PLEKHA6: variants seen among roughly 807,000 people sequenced by gnomAD.
PLEKHA6 encodes pleckstrin homology domain-containing family A member 6.
PLEKHA6 carries 60 observed loss-of-function variants against 116.7 expected under a neutral mutation model. The observed-to-expected ratio is 0.51, with a 90% CI of 0.42 to 0.64. The LOEUF (loss-of-function observed/expected upper bound fraction) is 0.64. Among genes scored for constraint, PLEKHA6 ranks in the 30% least tolerant of loss-of-function variants. The probability of loss-of-function intolerance (pLI) is 0.00; values close to 1 mark genes in which losing one functional copy is unlikely to be tolerated. For synonymous variants in PLEKHA6, 489 were observed against 556.1 expected (o/e 0.88, Z 1.70); for missense variants, 1,338 against 1,422.7 (o/e 0.94, Z 0.96).
At chr1:204,271,880 C>G (rs1667489691) in intron 3 of PLEKHA6, among the ~76,000 whole-genome samples, 1 of 152,154 alleles carries the variant, frequency 6.6e-6, no homozygotes, top group Non-Finnish European at 1.5e-5. Context: ...TTTCCCAAAC[C>G]TGTATCACGT....
At chr1:204,283,332 T>A (rs946922882) in intron 1 of PLEKHA6, among the ~76,000 whole-genome samples, 1 of 152,242 alleles carries the variant, frequency 6.6e-6, no homozygotes, top group African/African-American at 2.4e-5. Flanking sequence ...CTGTCTGGTA[T>A]CTTAGTTTTC....
intron 1 of PLEKHA6, among the ~76,000 whole-genome samples, chr1:204,376,894 G>C (rs1204425410): frequency 6.6e-6 from 1 of 152,188 alleles, no homozygotes; most frequent in African/African-American, 2.4e-5. Context: ...TAGTAGAAGC[G>C]AGCCAAAAGA....
intron 3 of PLEKHA6, among the ~76,000 whole-genome samples, chr1:204,366,916 G>T (rs1673672159): frequency 6.6e-6 from 1 of 152,222 alleles, no homozygotes; most frequent in Non-Finnish European, 1.5e-5. Context: ...ACGGAAAGGG[G>T]ATGAGACAAG....
intron 3 of PLEKHA6, among the ~76,000 whole-genome samples, chr1:204,365,676 A>G (rs968522600): frequency 6.6e-6 from 1 of 152,232 alleles, no homozygotes; most frequent in African/African-American, 2.4e-5. Context: ...TTTATCATGC[A>G]TGCATTCATT....
chr1:204,291,331 T>G (rs1290944319), intron 1 of PLEKHA6, among the ~76,000 whole-genome samples: 4 of 152,212 alleles, frequency 2.6e-5, no homozygotes, highest in African/African-American at 9.6e-5. Context: ...GGTGAGAATA[T>G]AAATGGTACA....
intron 1 of PLEKHA6, among the ~76,000 whole-genome samples, chr1:204,308,811 C>T (rs1671524676): frequency 6.7e-6 from 1 of 149,470 alleles, no homozygotes; most frequent in African/African-American, 2.5e-5. Context: ...CCCTCAGCCT[C>T]CCGAGTAGCT....
Position 204,287,766 on chromosome 1 carries a change from C to T in PLEKHA6, c.-94-12957G>A, listed in dbSNP as rs1410386763. Among the ~76,000 whole-genome samples the T allele has an allele frequency of 3.3e-5, 5 of 152,294 alleles. 1 individual carries two copies. The highest frequency in any genetic ancestry group is 1.2e-4 in the African/African-American group (5 of 41,566). On this transcript the variant is annotated intron_variant, in intron 1 of 22. Coordinates refer to ENST00000272203, the MANE Select transcript of PLEKHA6 (RefSeq NM_014935.5). ...TGCTTCTGACCAGAGCTACCGAGCG[C>T]CTCTCTGGAGACAATGGCTCAGAGA...
intron 6 of PLEKHA6, among the ~76,000 whole-genome samples, chr1:204,262,809 T>C (rs1191408815): frequency 3.3e-5 from 5 of 151,808 alleles, no homozygotes; most frequent in Admixed American, 3.3e-4. Context: ...CATGTAGGTG[T>C]GGGAGAGGGC....
rs1666080998 is a variant in PLEKHA6 at position 204,261,277 on chromosome 1, AC to A, written c.524+28del. 1 of 1,613,256 alleles carries A rather than the reference AC, an allele frequency of 6.2e-7. No individual in the cohort carries two copies. Among genetic ancestry groups the A allele is most frequent in the Non-Finnish European group, 8.5e-7 (1 of 1,179,534 alleles). On this transcript the variant is annotated intron_variant, in intron 7 of 22. Coordinates refer to ENST00000272203, the MANE Select transcript of PLEKHA6 (RefSeq NM_014935.5). This position sits in a 1 kb window ranked among gnomAD's most constrained non-coding sequence, Gnocchi z 4.0. ...CCATTCCCCTCTTTATTCTTCCTGC[AC>A]CCCCACACTCAATTCCCTGGCACTC...
intron 1 of PLEKHA6, among the ~76,000 whole-genome samples, chr1:204,310,130 C>T (rs1417732647): frequency 6.6e-6 from 1 of 151,864 alleles, no homozygotes; most frequent in Non-Finnish European, 1.5e-5. Flanking sequence ...AGTTGGCCGA[C>T]CCCTAGCTTA....
At chr1:204,325,473 T>C (rs1462113213) in intron 1 of PLEKHA6, among the ~76,000 whole-genome samples, 2 of 152,024 alleles carry the variant, frequency 1.3e-5, no homozygotes, top group Non-Finnish European at 2.9e-5. Context: ...AAATATCTGG[T>C]TTGACAAAGA....
At chr1:204,290,843 A>C (rs1669674597) in intron 1 of PLEKHA6, among the ~76,000 whole-genome samples, 1 of 152,072 alleles carries the variant, frequency 6.6e-6, no homozygotes, top group South Asian at 2.1e-4. Flanking sequence ...TACAAAAATT[A>C]GCCAGGCATG....
intron 1 of PLEKHA6, among the ~76,000 whole-genome samples, chr1:204,276,246 G>A (rs897093371): frequency 2.0e-5 from 3 of 152,168 alleles, no homozygotes; most frequent in African/African-American, 7.2e-5. Flanking sequence ...CGCAGCCCAG[G>A]CTTGCCAGCC....
chr1:204,240,369 A>G (rs1662633498), intron 17 of PLEKHA6, among the ~76,000 whole-genome samples: 1 of 152,254 alleles, frequency 6.6e-6, no homozygotes, highest in African/African-American at 2.4e-5. Flanking sequence ...ATGGATAGCA[A>G]AAGAAAGTAG....
intron 8 of PLEKHA6, among the ~76,000 whole-genome samples, chr1:204,258,282 T>C (rs1665630191): frequency 1.3e-5 from 2 of 152,166 alleles, no homozygotes; most frequent in South Asian, 4.1e-4. Context: ...TATATTATTT[T>C]AGAGATGAGG....
At chr1:204,265,546 C>T (rs892031060) in intron 5 of PLEKHA6, among the ~76,000 whole-genome samples, 1 of 152,210 alleles carries the variant, frequency 6.6e-6, no homozygotes, top group African/African-American at 2.4e-5. Context: ...AACACAAAAA[C>T]TGAACTCCAA....
chr1:204,258,381 C>G (rs376973742), intron 8 of PLEKHA6, among the ~76,000 whole-genome samples: 3 of 152,230 alleles, frequency 2.0e-5, no homozygotes, highest in Non-Finnish European at 4.4e-5. Flanking sequence ...CTCCCACATC[C>G]ACCTGTAGAG....
At chr1:204,300,861 G>A (rs1670745768) in intron 1 of PLEKHA6, among the ~76,000 whole-genome samples, 1 of 152,174 alleles carries the variant, frequency 6.6e-6, no homozygotes, top group Non-Finnish European at 1.5e-5. Flanking sequence ...GACTATATGA[G>A]GCAATACAGA....
At chr1:204,281,808 G>A (rs1402208178) in intron 1 of PLEKHA6, among the ~76,000 whole-genome samples, 1 of 152,074 alleles carries the variant, frequency 6.6e-6, no homozygotes, top group African/African-American at 2.4e-5. Context: ...CCAGTTTATT[G>A]AAATGTTCTA....
Sources: allele counts gnomAD v4.1 joint callset (sites outside exome capture counted in the v4.1 genomes callset), GRCh38; gene constraint gnomAD v4.1.1; non-coding constraint Gnocchi (gnomAD v3.1); transcripts MANE v1.5; gene names NCBI Gene and HGNC (gene_info 2026-07-23, HGNC 2026-07-21).